Variants in MAPK11 observed in about 807,000 individuals in gnomAD.
The protein encoded by MAPK11 is MAP kinase 11.
In MAPK11, 44 loss-of-function variants were observed where a neutral mutation model predicts 52.2. That is an observed-to-expected ratio of 0.84 (90% confidence interval 0.66 to 1.08). MAPK11 has a LOEUF of 1.08. Among genes scored for constraint, MAPK11 ranks in the 50% least tolerant of loss-of-function variants. The pLI is 0.00. For synonymous variants in MAPK11, 233 were observed against 206.3 expected (o/e 1.13, Z -1.11); for missense variants, 436 against 494.7 (o/e 0.88, Z 1.13).
At position 50,267,138 on chromosome 22, in the gene MAPK11, A is replaced by G; in HGVS notation, c.484T>C (p.Cys162Arg). Reference sequence around the variant, plus strand: ...CCCACGGGCCTCACCCTGAGCTCACAGTCCTCGTTCACAGCCACGTTGCTG... The same window carrying G: ...CCCACGGGCCTCACCCTGAGCTCACGGTCCTCGTTCACAGCCACGTTGCTG... ...KPSNVAVNEDCELRILDFGLA... is the reference protein window; with the variant it reads ...KPSNVAVNEDRELRILDFGLA... Residue 162 changes from cysteine to arginine, a missense_variant, in exon 6 of 12, where the codon TGT (cysteine) becomes CGT (arginine). Transcript: ENST00000330651. 1 of 1,611,984 alleles carries G rather than the reference A, an allele frequency of 6.2e-7. No homozygotes were observed. Among genetic ancestry groups the G allele is most frequent in the Non-Finnish European group, 8.5e-7 (1 of 1,179,634 alleles).
chr22:50,266,620 G>C lies in MAPK11; in HGVS notation c.611-9C>G. The C allele has an allele frequency of 6.4e-7, 1 of 1,562,366 alleles. No individual in the cohort carries two copies. Among genetic ancestry groups the C allele is most frequent in the Non-Finnish European group, 8.7e-7 (1 of 1,154,156 alleles). ...CACGGACCAGATATCCACTGTGCGAGGGCGAGGGGACCTCCATCAGTGTGC... is the reference window on the plus strand; with the variant it reads ...CACGGACCAGATATCCACTGTGCGACGGCGAGGGGACCTCCATCAGTGTGC... On this transcript the variant is annotated splice_polypyrimidine_tract_variant and intron_variant, in intron 7 of 11. Transcript: ENST00000330651.
In MAPK11 at chr22:50,263,991, C is replaced by G. The variant is rs2065242623; in HGVS notation, c.*957G>C. On this transcript the variant is annotated 3_prime_UTR_variant, in exon 12 of 12. Transcript: ENST00000330651. ...GGGCCAGGGTGCAGGGCAGAAGTGT[C>G]CGAGTCCAAGTCCACATCCAGGTGT... The G allele has an allele frequency of 6.6e-6, 1 of 152,426 alleles. No individual in the cohort carries two copies. The highest frequency in any genetic ancestry group is 2.4e-5 in the African/African-American group (1 of 41,428). The allele number at this position is 152,426 out of a possible 1,614,324, so 9.4% of individuals were successfully genotyped here. A position where few individuals can be genotyped will look rare whatever the true frequency, so the allele number is the denominator to read the frequency against.
rs890390617 is a variant in MAPK11 at position 50,270,348 on chromosome 22, C to T, written c.-56G>A. 31 of 705,982 alleles carry T rather than the reference C, an allele frequency of 4.4e-5. No individual in the cohort carries two copies. The highest frequency in any genetic ancestry group is 1.2e-3 in the Middle Eastern group (2 of 1,624). 43.7% of individuals were successfully genotyped at this position (705,982 alleles called of 1,614,324 possible). ...CAGCCCCGCGCCCCGCGCCCGCGCC[C>T]GAGCCGAGCCCGAGCCGAGCGGAGC... On this transcript the variant is annotated 5_prime_UTR_variant, in exon 1 of 12. Transcript: ENST00000330651. The surrounding 1 kb of genome is among the most constrained non-coding windows in gnomAD (Gnocchi z 6.3).
At chr22:50,269,144 G>A (rs933942105) in intron 1 of MAPK11, among the ~76,000 whole-genome samples, 38 of 152,096 alleles carry the variant, frequency 2.5e-4, no homozygotes, top group African/African-American at 8.0e-4. Flanking sequence ...CTCCCACACC[G>A]TCCCAGACCC....
In MAPK11 at chr22:50,264,923, C is replaced by T. The variant is rs772777870; in HGVS notation, c.*25G>A. 12 of 1,595,050 alleles carry T rather than the reference C, an allele frequency of 7.5e-6. No homozygotes were observed. The African/African-American group carries it at 1.1e-4, about 14-fold the overall frequency. Reference sequence around the variant, plus strand: ...GTGCAGGCCCAAGCCCCTCCACAGGCTCTCAGGGGCTGCTGGGCAGCACCT... The same window carrying T: ...GTGCAGGCCCAAGCCCCTCCACAGGTTCTCAGGGGCTGCTGGGCAGCACCT... On this transcript the variant is annotated 3_prime_UTR_variant, in exon 12 of 12. Transcript: ENST00000330651.
Position 50,270,126 on chromosome 22 carries a change from T to C in MAPK11, c.116+51A>G, listed in dbSNP as rs1308150261. ...TCGCGCGGGCGAGGAGGGGACGCGCTCTCCGGCCCGGCCCGGCCCCCACCC... is the reference window on the plus strand; with the variant it reads ...TCGCGCGGGCGAGGAGGGGACGCGCCCTCCGGCCCGGCCCGGCCCCCACCC... On this transcript the variant is annotated intron_variant, in intron 1 of 11. Transcript: ENST00000330651. This position sits in a 1 kb window ranked among gnomAD's most constrained non-coding sequence, Gnocchi z 6.3. 3.0e-6 allele frequency: 3 copies of C among 1,010,614 alleles called. No homozygotes were observed. The highest frequency in any genetic ancestry group is 3.5e-5 in the African/African-American group (2 of 57,776). 62.6% of individuals were successfully genotyped at this position (1,010,614 alleles called of 1,614,324 possible). A position where few individuals can be genotyped will look rare whatever the true frequency, so the allele number is the denominator to read the frequency against.
intron 9 of MAPK11, 59 bp downstream of exon 9, chr22:50,266,167 C>T: frequency 2.1e-6 from 3 of 1,396,072 alleles, no homozygotes. Context: ...CCCTCTCCCC[C>T]AGAGAGCCTG....
rs2065299642 is a variant in MAPK11, at chr22:50,270,342, C to A, written c.-50G>T. 3 of 798,646 alleles carry A rather than the reference C, an allele frequency of 3.8e-6. No homozygotes were observed. Among genetic ancestry groups the A allele is most frequent in the African/African-American group, 3.7e-5 (2 of 53,338 alleles). The allele number at this position is 798,646 out of a possible 1,614,324, so 49.5% of individuals were successfully genotyped here. On this transcript the variant is annotated 5_prime_UTR_variant, in exon 1 of 12. Transcript: ENST00000330651. The surrounding 1 kb of genome is among the most constrained non-coding windows in gnomAD (Gnocchi z 6.3). ...CGGGCCCAGCCCCGCGCCCCGCGCC[C>A]GCGCCCGAGCCGAGCCCGAGCCGAG...
At chr22:50,267,983 G>C in intron 1 of MAPK11, 34 bp from the exon 2 acceptor site, 1 of 1,509,478 alleles carries the variant, frequency 6.6e-7, no homozygotes, top group Non-Finnish European at 8.8e-7. Flanking sequence ...GCGCCGGGAG[G>C]GGTCCGAGGG....
chr22:50,269,044 G>T (rs2065287765), intron 1 of MAPK11, among the ~76,000 whole-genome samples: 1 of 152,130 alleles, frequency 6.6e-6, no homozygotes, highest in Non-Finnish European at 1.5e-5. Context: ...TGCAAGGGGG[G>T]AGACCAGGCC....
chr22:50,267,110 C>G lies in MAPK11; in HGVS notation c.495+17G>C. The stretch of plus-strand genomic sequence containing the variant: ...GGCTCCGCCGCCGCCCTGCCCACCC[C>G]TGCCCACGGGCCTCACCCTGAGCTC... On this transcript the variant is annotated intron_variant, in intron 6 of 11. Transcript: ENST00000330651. 6.2e-7 allele frequency: 1 copy of G among 1,611,744 alleles called. No individual in the cohort carries two copies. Among genetic ancestry groups the G allele is most frequent in the Non-Finnish European group, 8.5e-7 (1 of 1,179,506 alleles).
rs1452475231 is a variant in MAPK11 at position 50,267,064 on chromosome 22, G to GGT, written c.496-18_496-17dup. On this transcript the variant is annotated splice_polypyrimidine_tract_variant and intron_variant, in intron 6 of 11. Transcript: ENST00000330651. Reference sequence around the variant, plus strand: ...AATCCAGGATCTGGGGCGACCACGTGGTGTTCTCAAGCTCCGCACGGGCTC... The same window carrying GGT: ...AATCCAGGATCTGGGGCGACCACGTGGTGTGTTCTCAAGCTCCGCACGGGCTC... 1 of 1,611,612 alleles carries GGT rather than the reference G, an allele frequency of 6.2e-7. No homozygotes were observed. The highest frequency in any genetic ancestry group is 1.1e-5 in the South Asian group (1 of 91,028).
intron 11 of MAPK11, 126 bp downstream of exon 11, chr22:50,265,195 C>A: frequency 1.5e-6 from 2 of 1,369,008 alleles, no homozygotes; most frequent in South Asian, 1.3e-5. Flanking sequence ...CGCTCCCAGC[C>A]TGTGCTGGAC....
intron 1 of MAPK11, among the ~76,000 whole-genome samples, chr22:50,269,954 A>G (rs2065294941): frequency 6.6e-6 from 1 of 151,014 alleles, no homozygotes; most frequent in Non-Finnish European, 1.5e-5. Flanking sequence ...GAATCGGGAG[A>G]GGCCGGAGGA....
At position 50,265,372 on chromosome 22, in the gene MAPK11, G is replaced by C; in HGVS notation, c.964C>G (p.Pro322Ala). 1.9e-6 allele frequency: 3 copies of C among 1,613,146 alleles called. No homozygotes were observed. The highest frequency in any genetic ancestry group is 2.5e-6 in the Non-Finnish European group (3 of 1,179,994). ...TTGGCCTCAACGCTCTCATCATATG[G>C]CTCGGCCTCTGGCTCATCCTCGGGG... ...HDPEDEPEAE[P>A]YDESVEAKER... is the part of the protein sequence containing the mutation. Residue 322 changes from proline to alanine, a missense_variant, in exon 11 of 12, where the codon CCA becomes GCA. Physicochemically the swap from Pro to Ala is conservative, Grantham distance 27. Transcript: ENST00000330651.
At chr22:50,266,705 A>AGGAGGGGGT in intron 7 of MAPK11, 94 bp from the exon 8 acceptor site, 2 of 1,269,840 alleles carry the variant, frequency 1.6e-6, no homozygotes, top group Non-Finnish European at 2.2e-6. Context: ...AGATGGGCAG[A>AGGAGGGGGT]CCCCCTCCTC....
At chr22:50,266,503 CT>C in intron 8 of MAPK11, 36 bp downstream of exon 8, 1 of 1,508,252 alleles carries the variant, frequency 6.6e-7, no homozygotes, top group Non-Finnish European at 8.9e-7. Context: ...AGGAGGGGCC[CT>C]GTTTGACCCT....
intron 9 of MAPK11, 83 bp downstream of exon 9, chr22:50,266,143 G>A (rs1375901428): frequency 7.8e-6 from 9 of 1,155,888 alleles, no homozygotes; most frequent in African/African-American, 4.7e-5. Context: ...TATGGTCCCC[G>A]CATTTCCACA....
chr22:50,266,910 C>G, intron 7 of MAPK11, 24 bp downstream of exon 7: 1 of 1,592,384 alleles, frequency 6.3e-7, no homozygotes, highest in Non-Finnish European at 8.6e-7. Context: ...TGGCCTTCGT[C>G]CCCCCAAGGC....
Sources: gnomAD v4.1 joint callset for allele counts (sites outside exome capture counted in the v4.1 genomes callset) on GRCh38, gnomAD v4.1.1 for gene constraint, Gnocchi (gnomAD v3.1) non-coding constraint, MANE v1.5 for transcripts, NCBI Gene and HGNC (gene_info 2026-07-23, HGNC 2026-07-21) for gene names.